ZFHX2: variants seen among roughly 807,000 people sequenced by gnomAD.
The protein encoded by ZFHX2 is zinc finger homeobox 2, also known as zinc finger homeobox protein 2.
A neutral mutation model predicts 164.8 loss-of-function variants in ZFHX2; 75 were observed. The observed-to-expected ratio is 0.46, with a 90% CI of 0.38 to 0.55. ZFHX2 has a LOEUF of 0.55. Among genes scored for constraint, ZFHX2 ranks in the 20% least tolerant of loss-of-function variants. ZFHX2 has a pLI of 0.00. For missense variants in ZFHX2, 2,933 were observed against 3,308.0 expected, an observed-to-expected ratio of 0.89 and a Z score of 2.78; for synonymous variants, 1,217 against 1,351.4, an observed-to-expected ratio of 0.90 and a Z score of 2.18.
At position 23,535,025 on chromosome 14, in the gene ZFHX2, C is replaced by T; in HGVS notation, c.301G>A (p.Glu101Lys). The part of the protein sequence containing the change: ...GVEKDKEQEE[E>K]EEGLPPMDLS... ...TCCATGGGAGGGAGCCCTTCTTCTT[C>T]CTCCTCCTGCTCCTTGTCCTTTTCC... Residue 101 changes from glutamate to lysine, a missense_variant, in exon 2 of 10, where the codon GAA becomes AAA. Coordinates refer to ENST00000419474, the MANE Select transcript of ZFHX2 (RefSeq NM_033400.3). The surrounding 1 kb of genome is among the most constrained non-coding windows in gnomAD (Gnocchi z 4.5). The T allele has an allele frequency of 6.5e-7, 1 of 1,536,184 alleles. No individual in the cohort carries two copies. The highest frequency in any genetic ancestry group is 8.7e-7 in the Non-Finnish European group (1 of 1,146,880).
chr14:23,537,503 C>G (rs188148348), intron 1 of ZFHX2, among the ~76,000 whole-genome samples: 15 of 152,286 alleles, frequency 9.8e-5, no homozygotes, highest in Non-Finnish European at 2.1e-4. Context: ...CCCACCCAAC[C>G]TGAAGGCCCC....
At chr14:23,549,523 A>G (rs1818830968) in intron 1 of ZFHX2, among the ~76,000 whole-genome samples, 1 of 152,088 alleles carries the variant, frequency 6.6e-6, no homozygotes, top group Non-Finnish European at 1.5e-5. Context: ...CTTTTATTAC[A>G]CTAATAAACA....
Position 23,522,895 on chromosome 14 carries a change from C to T in ZFHX2, c.6786G>A (p.Leu2262=). The T allele has an allele frequency of 6.8e-7, 1 of 1,481,256 alleles. No homozygotes were observed. The highest frequency in any genetic ancestry group is 8.9e-7 in the Non-Finnish European group (1 of 1,119,472). The allele number at this position is 1,481,256 out of a possible 1,614,324, so 91.8% of individuals were successfully genotyped here. Residue 2262 remains leucine (L), a synonymous_variant, in exon 10 of 10, where the codon CTG becomes CTA. Transcript: ENST00000419474. The part of the protein sequence containing the change: ...SGLLGLATSV[L]PTTTVVQTAG... ...CAGTCTGGACCACTGTGGTGGTAGG[C>T]AGGACCGAAGTGGCGAGGCCGAGGA...
At chr14:23,540,559 C>G (rs1880689980) in intron 1 of ZFHX2, among the ~76,000 whole-genome samples, 1 of 152,086 alleles carries the variant, frequency 6.6e-6, no homozygotes, top group Non-Finnish European at 1.5e-5. Context: ...GTATAAACAG[C>G]AAATAAACTA....
At chr14:23,526,808 T>C in intron 8 of ZFHX2, 39 bp downstream of exon 8, 1 of 1,523,480 alleles carries the variant, frequency 6.6e-7, no homozygotes, top group Non-Finnish European at 8.8e-7. Context: ...GGAGTCCCCT[T>C]TCCTGGTACC....
Position 23,534,792 on chromosome 14 carries a change from G to T in ZFHX2, c.534C>A (p.Ile178=). 4.6e-6 allele frequency: 7 copies of T among 1,536,226 alleles called. No homozygotes were observed. Among genetic ancestry groups the T allele is most frequent in the Non-Finnish European group, 6.1e-6 (7 of 1,146,916 alleles). ...TTTGGTCAGAAGAGCTAAAGCCTTG[G>T]ATTGGGTCAAAGCCATGTTGGATGT... is the stretch of plus-strand genomic sequence containing the variant. ...ALHIQHGFDP[I]QGFSSSDQIL... is the part of the protein sequence containing the mutation. Residue 178 remains isoleucine (I), a synonymous_variant, in exon 2 of 10, where the codon ATC becomes ATA. Coordinates refer to ENST00000419474, the MANE Select transcript of ZFHX2 (RefSeq NM_033400.3). The surrounding 1 kb of genome is among the most constrained non-coding windows in gnomAD (Gnocchi z 4.5).
chr14:23,536,607 A>G (rs1357717606), intron 1 of ZFHX2, among the ~76,000 whole-genome samples: 1 of 152,220 alleles, frequency 6.6e-6, no homozygotes, highest in African/African-American at 2.4e-5. Context: ...ACTATGTTAA[A>G]TGCTTTATGT....
At chr14:23,553,532 G>A (rs1882126913), upstream of ZFHX2, among the ~76,000 whole-genome samples, 1 of 151,724 alleles carries the variant, frequency 6.6e-6, no homozygotes, top group African/African-American at 2.4e-5. Context: ...CCGGGGGGCA[G>A]AGGTTGCGGT....
chr14:23,525,095 G>T lies in ZFHX2; in HGVS notation c.4847C>A (p.Thr1616Asn). ...CTCTCCGTCTTTGGGGTAGGCGCTA[G>T]TCTCAAAGAAAGACTGCAGGGCTTG... Reference protein sequence around the residue: ...QTQALQSFFETSAYPKDGEVE... With the variant: ...QTQALQSFFENSAYPKDGEVE... Residue 1616 changes from threonine to asparagine, a missense_variant, in exon 9 of 10, where the codon ACT becomes AAT. Physicochemically the swap from Thr to Asn is moderately conservative, Grantham distance 65. Transcript: ENST00000419474. This position sits in a 1 kb window ranked among gnomAD's most constrained non-coding sequence, Gnocchi z 5.9. The T allele has an allele frequency of 6.5e-7, 1 of 1,536,186 alleles. No homozygotes were observed. Among genetic ancestry groups the T allele is most frequent in the Non-Finnish European group, 8.7e-7 (1 of 1,146,922 alleles).
In ZFHX2 at chr14:23,523,812, G is replaced by A. The variant is rs1259435923; in HGVS notation, c.6130C>T (p.Pro2044Ser). ...CCCCCACTGGTCCCTCCAGCCCCAGGGGATTCTGGTTCAGCTAGGCTGGAA... is the reference window on the plus strand; with the variant it reads ...CCCCCACTGGTCCCTCCAGCCCCAGAGGATTCTGGTTCAGCTAGGCTGGAA... ...SASSLAEPES[P>S]GAGGTSGGPG... Residue 2044 changes from proline (P) to serine (S), a missense_variant, in exon 9 of 10, where the codon CCT becomes TCT. Physicochemically the swap from Pro to Ser is moderately conservative, Grantham distance 74. Coordinates refer to ENST00000419474, the MANE Select transcript of ZFHX2 (RefSeq NM_033400.3). This position sits in a 1 kb window ranked among gnomAD's most constrained non-coding sequence, Gnocchi z 4.1. The A allele has an allele frequency of 1.3e-6, 2 of 1,536,222 alleles. No individual in the cohort carries two copies. Among genetic ancestry groups the A allele is most frequent in the Admixed American group, 3.9e-5 (2 of 51,006 alleles).
rs1878591074 is a variant in ZFHX2, at chr14:23,525,528, C to T, written c.4414G>A (p.Glu1472Lys). Reference protein sequence around the residue: ...VPPPPTPPPPEALGGGDKLAC... With the variant: ...VPPPPTPPPPKALGGGDKLAC... ...AGCTTGTCCCCACCCCCGAGGGCCTCAGGTGGGGGTGGGGTAGGGGGAGGG... is the reference window on the plus strand; with the variant it reads ...AGCTTGTCCCCACCCCCGAGGGCCTTAGGTGGGGGTGGGGTAGGGGGAGGG... Residue 1472 changes from glutamate (E) to lysine (K), a missense_variant, in exon 9 of 10, where the codon GAG becomes AAG. Transcript: ENST00000419474. The surrounding 1 kb of genome is among the most constrained non-coding windows in gnomAD (Gnocchi z 5.9). 1 of 1,535,440 alleles carries T rather than the reference C, an allele frequency of 6.5e-7. No homozygotes were observed. Among genetic ancestry groups the T allele is most frequent in the Non-Finnish European group, 8.7e-7 (1 of 1,146,882 alleles).
chr14:23,538,523 G>A (rs140793628), intron 1 of ZFHX2, among the ~76,000 whole-genome samples: 4 of 152,042 alleles, frequency 2.6e-5, no homozygotes, highest in East Asian at 1.9e-4. Context: ...GTGCAGAAAC[G>A]GACAGGCCTA....
intron 7 of ZFHX2, 95 bp downstream of exon 7, chr14:23,527,509 C>A: frequency 6.8e-7 from 1 of 1,470,138 alleles, no homozygotes; most frequent in Non-Finnish European, 9.1e-7. Context: ...CTGCCCCCAA[C>A]ACATGCACCT....
chr14:23,555,513 G>T (rs1035859175), upstream of ZFHX2, among the ~76,000 whole-genome samples: 1 of 152,076 alleles, frequency 6.6e-6, no homozygotes, highest in Admixed American at 6.6e-5. Context: ...TCCAACTGTT[G>T]AAATACCATC....
intron 4 of ZFHX2, 172 bp from the exon 5 acceptor site, chr14:23,530,366 T>C (rs1213491947): frequency 4.3e-6 from 3 of 702,432 alleles, no homozygotes; most frequent in East Asian, 2.7e-5. Flanking sequence ...ACACAGAAGA[T>C]AGAGGGAAAA....
At chr14:23,555,435 T>C (rs1442138247), upstream of ZFHX2, among the ~76,000 whole-genome samples, 1 of 152,332 alleles carries the variant, frequency 6.6e-6, no homozygotes, top group Non-Finnish European at 1.5e-5. Context: ...GTCTTCTCCT[T>C]ACGTACCACC....
In ZFHX2 at chr14:23,521,667, T is replaced by G; in HGVS notation, c.*295A>C. 1 of 386,872 alleles carries G rather than the reference T, an allele frequency of 2.6e-6. No homozygotes were observed. Among genetic ancestry groups the G allele is most frequent in the Non-Finnish European group, 4.7e-6 (1 of 214,606 alleles). 24.0% of individuals were successfully genotyped at this position (386,872 alleles called of 1,614,324 possible). On this transcript the variant is annotated 3_prime_UTR_variant, in exon 10 of 10. Transcript: ENST00000419474. ...ATATTTTGTGTGTGGTAGGCAGACA[T>G]GTATGAATAATCAGGGTGCCAAGAT...
rs1305644822 is a variant in ZFHX2, at chr14:23,522,141, GGTGGGA to G, written c.7534_7539del (p.Ser2512_His2513del). 1 of 1,523,596 alleles carries G rather than the reference GGTGGGA, an allele frequency of 6.6e-7. No individual in the cohort carries two copies. Among genetic ancestry groups the G allele is most frequent in the Admixed American group, 2.0e-5 (1 of 49,620 alleles). 94.4% of individuals were successfully genotyped at this position (1,523,596 alleles called of 1,614,324 possible). Reference sequence around the variant, plus strand: ...TTGCGCCTGTGGGCCGAGGAGCGCAGGTGGGAGGCTAGGGCTTCACGCCCACTCAGC... The same window carrying G: ...TTGCGCCTGTGGGCCGAGGAGCGCAGGGCTAGGGCTTCACGCCCACTCAGC... On this transcript the variant is annotated inframe_deletion, in exon 10 of 10. Coordinates refer to ENST00000419474, the MANE Select transcript of ZFHX2 (RefSeq NM_033400.3).
Position 23,526,643 on chromosome 14 carries a change from G to A in ZFHX2, c.3299C>T (p.Pro1100Leu), listed in dbSNP as rs1245810806. 2.0e-6 allele frequency: 3 copies of A among 1,535,900 alleles called. No homozygotes were observed. The highest frequency in any genetic ancestry group is 2.0e-5 in the Admixed American group (1 of 50,956). Residue 1100 changes from proline to leucine, a missense_variant, in exon 9 of 10, where the codon CCT becomes CTT. Physicochemically the swap from Pro to Leu is moderately conservative, Grantham distance 98. Coordinates refer to ENST00000419474, the MANE Select transcript of ZFHX2 (RefSeq NM_033400.3). ...TGAGGCCAGGGGAGGCTCAGGAAGA[G>A]GATCTGGACTGGCTTCTGGGGTCAG... ...PNLTPEASPD[P>L]LPEPPLASVE...
Sources: allele counts gnomAD v4.1 joint callset (sites outside exome capture counted in the v4.1 genomes callset), GRCh38; gene constraint gnomAD v4.1.1; non-coding constraint Gnocchi (gnomAD v3.1); transcripts MANE v1.5; gene names NCBI Gene and HGNC (gene_info 2026-07-23, HGNC 2026-07-21).